The following PHLPP2 variants were observed in gnomAD, a reference collection of about 807,000 sequenced individuals.
PHLPP2 encodes PH domain leucine-rich repeat-containing protein phosphatase 2.
A neutral mutation model predicts 124.9 loss-of-function variants in PHLPP2; 66 were observed. That is an observed-to-expected ratio of 0.53 (90% CI 0.43 to 0.65). The LOEUF (loss-of-function observed/expected upper bound fraction) is 0.65, where lower values mean the gene tolerates loss of function less well. PHLPP2 is among the 30% of genes least tolerant of loss of function. PHLPP2 has a pLI of 0.00. For synonymous variants in PHLPP2, 681 were observed against 624.7 expected (o/e 1.09, Z -1.34); for missense variants, 1,685 against 1,600.4 (o/e 1.05, Z -0.90).
Position 71,649,541 on chromosome 16 carries a change from G to T in PHLPP2, c.3321C>A (p.Asp1107Glu). ...ASDEHNAGGL[D>E]TALLPRPERR... ...GCTCTGGCCTCGGAAGCAAGGCAGT[G>T]TCCAGGCCCCCAGCATTATGCTCAT... The change falls in exon 19 of 19, where the codon GAC becomes GAA. Residue 1107 changes from aspartate (D) to glutamate (E), a missense_variant. Transcript: ENST00000568954. The T allele has an allele frequency of 6.2e-7, 1 of 1,614,174 alleles. No homozygotes were observed.
intron 4 of PHLPP2, among the ~76,000 whole-genome samples, chr16:71,686,411 C>T (rs1046502458): frequency 6.6e-6 from 1 of 152,104 alleles, no homozygotes; most frequent in African/African-American, 2.4e-5. Flanking sequence ...TAGACTCAAA[C>T]AATTCTCCTG....
intron 1 of PHLPP2, among the ~76,000 whole-genome samples, chr16:71,721,640 C>T (rs2045399437): frequency 7.0e-6 from 1 of 143,698 alleles, no homozygotes; most frequent in Non-Finnish European, 1.5e-5. Context: ...ATTGTTTATA[C>T]ATACTTTGCT....
rs1248785723 is a variant in PHLPP2, at chr16:71,664,023, T to A, written c.1861A>T (p.Met621Leu). The part of the protein sequence containing the change: ...SACTGEESLS[M>L]LQLLYLTNNL... The stretch of plus-strand genomic sequence containing the variant: ...TTGGTCAGATAAAGCAGCTGCAGCA[T>A]ACTCAAACTCTCCTCTCCAGTGCAG... The change falls in exon 13 of 19, where the codon ATG (methionine) becomes TTG (leucine). Residue 621 changes from methionine (M) to leucine (L), a missense_variant. Coordinates refer to ENST00000568954, the MANE Select transcript of PHLPP2 (RefSeq NM_015020.3). 5.0e-6 allele frequency: 8 copies of A among 1,613,930 alleles called. No individual in the cohort carries two copies. The Admixed American group carries it at 6.7e-5, about 13-fold the overall frequency.
intron 3 of PHLPP2, among the ~76,000 whole-genome samples, chr16:71,695,808 A>C (rs2045163941): frequency 6.6e-6 from 1 of 152,188 alleles, no homozygotes; most frequent in Non-Finnish European, 1.5e-5. Context: ...AAAAGCATGA[A>C]GACCAATACC....
intron 2 of PHLPP2, among the ~76,000 whole-genome samples, chr16:71,703,344 T>A (rs889951803): frequency 6.6e-6 from 1 of 152,196 alleles, no homozygotes; most frequent in South Asian, 2.1e-4. Flanking sequence ...AAATTGAGAA[T>A]TTCCATTTAT....
chr16:71,717,815 G>T (rs924335188), intron 1 of PHLPP2, among the ~76,000 whole-genome samples: 1 of 152,106 alleles, frequency 6.6e-6, no homozygotes, highest in African/African-American at 2.4e-5. Flanking sequence ...CAAAAAAGTC[G>T]TCTTCAGAAC....
At position 71,655,341 on chromosome 16, in the gene PHLPP2, C is replaced by T. The variant is rs200473932; in HGVS notation, c.2484G>A (p.Pro828=). 55 of 1,613,862 alleles carry T rather than the reference C, an allele frequency of 3.4e-5. No homozygotes were observed. In the African/African-American group the frequency reaches 3.5e-4, roughly 10 times the overall value. The change falls in exon 17 of 19, where the codon CCG becomes CCA. Residue 828 remains proline (P), a synonymous_variant. Coordinates refer to ENST00000568954, the MANE Select transcript of PHLPP2 (RefSeq NM_015020.3). The stretch of plus-strand genomic sequence containing the variant: ...CTGCCATCGTACACTGCAGCAGGCG[C>T]GGGAGCTCCTCATTTCGGTCTCCAT... ...MFDGDRNEEL[P]RLLQCTMADV...
chr16:71,723,483 C>T, intron 1 of PHLPP2: 1 of 157,356 alleles, frequency 6.4e-6, no homozygotes. Flanking sequence ...CGGCGGCTAC[C>T]CGCAGCCCAA....
At chr16:71,697,490 G>A (rs1017261058) in intron 3 of PHLPP2, among the ~76,000 whole-genome samples, 1 of 152,136 alleles carries the variant, frequency 6.6e-6, no homozygotes, top group Non-Finnish European at 1.5e-5. Context: ...TACTATGAAA[G>A]AACAGATTTT....
intron 6 of PHLPP2, among the ~76,000 whole-genome samples, chr16:71,680,424 G>A (rs1185803558): frequency 1.3e-5 from 2 of 152,128 alleles, no homozygotes; most frequent in Admixed American, 6.6e-5. Flanking sequence ...ATAATTTTTA[G>A]TGCTTCTATT....
intron 4 of PHLPP2, among the ~76,000 whole-genome samples, chr16:71,686,140 GT>G (rs2045053282): frequency 6.6e-6 from 1 of 152,168 alleles, no homozygotes; most frequent in Non-Finnish European, 1.5e-5. Context: ...TTGGGGATCA[GT>G]CTTACTGAGG....
At chr16:71,680,900 T>C (rs1383792202) in intron 6 of PHLPP2, among the ~76,000 whole-genome samples, 2 of 152,228 alleles carry the variant, frequency 1.3e-5, no homozygotes, top group African/African-American at 2.4e-5. Flanking sequence ...GTTTTCATTT[T>C]TACATGCCAA....
chr16:71,693,851 G>A (rs966460873), intron 3 of PHLPP2, among the ~76,000 whole-genome samples: 2 of 152,132 alleles, frequency 1.3e-5, no homozygotes, highest in African/African-American at 4.8e-5. Flanking sequence ...AGAGAACAGG[G>A]ACAGAAAACT....
chr16:71,658,872 A>T, intron 13 of PHLPP2, 57 bp from the exon 14 acceptor site: 2 of 1,526,344 alleles, frequency 1.3e-6, no homozygotes, highest in African/African-American at 1.4e-5. Flanking sequence ...CTGCCAAGGA[A>T]GTGCTATTCT....
In PHLPP2 at chr16:71,714,792, T is replaced by G; in HGVS notation, c.4A>C (p.Lys2Gln). 6.2e-7 allele frequency: 1 copy of G among 1,609,248 alleles called. No individual in the cohort carries two copies. The highest frequency in any genetic ancestry group is 1.1e-5 in the South Asian group (1 of 90,442). The change falls in exon 2 of 19, where the codon AAA becomes CAA. Residue 2 changes from lysine to glutamine, a missense_variant. Physicochemically the swap from Lys to Gln is moderately conservative, Grantham distance 53. Transcript: ENST00000568954. M[K>Q]RNGSRNCLNR... is the part of the protein sequence containing the mutation. ...AAACAATTTCTGCTCCCATTGCGTT[T>G]CATATTTCTCTAAAAAATATCAAGA... is the stretch of plus-strand genomic sequence containing the variant.
intron 13 of PHLPP2, among the ~76,000 whole-genome samples, chr16:71,661,267 C>T (rs2044787806): frequency 6.6e-6 from 1 of 151,946 alleles, no homozygotes; most frequent in Admixed American, 6.6e-5. Context: ...GACAGGGTTT[C>T]ACCATGTTGC....
chr16:71,674,781 G>C (rs1471653189), intron 9 of PHLPP2, among the ~76,000 whole-genome samples: 2 of 152,184 alleles, frequency 1.3e-5, no homozygotes, highest in East Asian at 3.9e-4. Flanking sequence ...CAGCTAACTA[G>C]AGGTTAGGAG....
At chr16:71,703,022 G>C (rs188624672) in intron 2 of PHLPP2, among the ~76,000 whole-genome samples, 56 of 152,198 alleles carry the variant, frequency 3.7e-4, no homozygotes, top group African/African-American at 1.2e-3. Flanking sequence ...ACTTGTAAGA[G>C]AGAACAGGTA....
At chr16:71,651,087 C>G (rs1234314684) in intron 18 of PHLPP2, among the ~76,000 whole-genome samples, 1 of 152,178 alleles carries the variant, frequency 6.6e-6, no homozygotes, top group Non-Finnish European at 1.5e-5. Flanking sequence ...CGCCTGTAAT[C>G]CTAGCACTTT....
Sources: allele counts gnomAD v4.1 joint callset (sites outside exome capture counted in the v4.1 genomes callset), GRCh38; gene constraint gnomAD v4.1.1; transcripts MANE v1.5; gene names NCBI Gene and HGNC (gene_info 2026-07-23, HGNC 2026-07-21).